HIPK3: variants seen among roughly 807,000 people sequenced by gnomAD.
The protein encoded by HIPK3 is homeodomain-interacting protein kinase 3.
Under a neutral mutation model 124.2 loss-of-function variants are expected in HIPK3, and 47 were observed. That is an observed-to-expected ratio of 0.38 (90% CI 0.30 to 0.48). The LOEUF is 0.48. Ranked by LOEUF, HIPK3 falls within the 20% of genes least tolerant of loss-of-function variation. The pLI is 0.98. For missense variants in HIPK3, 1,286 were observed against 1,454.3 expected (o/e 0.88, Z 1.88); for synonymous variants, 482 against 515.2 (o/e 0.94, Z 0.87).
intron 2 of HIPK3, among the ~76,000 whole-genome samples, chr11:33,307,459 C>A (rs1170294514): frequency 3.5e-5 from 5 of 143,208 alleles, no homozygotes; most frequent in Non-Finnish European, 7.5e-5. Flanking sequence ...AGTGCAGTGG[C>A]GTGATCTCGG....
chr11:33,336,985 A>T, intron 3 of HIPK3, 90 bp from the exon 4 acceptor site: 1 of 885,760 alleles, frequency 1.1e-6, no homozygotes, highest in Non-Finnish European at 1.7e-6. Flanking sequence ...ATGTATTTTC[A>T]TACCTGACCT....
chr11:33,319,023 T>G (rs1334244730), intron 2 of HIPK3, among the ~76,000 whole-genome samples: 1 of 152,234 alleles, frequency 6.6e-6, no homozygotes, highest in Non-Finnish European at 1.5e-5. Flanking sequence ...AGTGTATTTG[T>G]TATCTGTTGC....
chr11:33,259,744 T>C (rs779065062), intron 1 of HIPK3, among the ~76,000 whole-genome samples: 1 of 148,776 alleles, frequency 6.7e-6, no homozygotes, highest in Non-Finnish European at 1.5e-5. Context: ...GGGCATGTCT[T>C]TTTTTTTTTG....
chr11:33,334,373 G>A (rs1383388063), intron 3 of HIPK3, among the ~76,000 whole-genome samples: 1 of 152,082 alleles, frequency 6.6e-6, no homozygotes, highest in Non-Finnish European at 1.5e-5. Flanking sequence ...GGGGGAATAT[G>A]TATGTTGGAT....
intron 1 of HIPK3, among the ~76,000 whole-genome samples, chr11:33,259,423 A>G (rs1372397310): frequency 6.6e-6 from 1 of 152,252 alleles, no homozygotes; most frequent in Non-Finnish European, 1.5e-5. Context: ...TAGATAGGTC[A>G]TGATTAAACT....
intron 2 of HIPK3, among the ~76,000 whole-genome samples, chr11:33,307,405 T>TG (rs1852194326): frequency 6.6e-6 from 1 of 150,492 alleles, no homozygotes; most frequent in Non-Finnish European, 1.5e-5. Context: ...GAAGTGTTTT[T>TG]TTTTTTTTTT....
At chr11:33,271,192 A>G (rs1218939332) in intron 1 of HIPK3, among the ~76,000 whole-genome samples, 1 of 152,228 alleles carries the variant, frequency 6.6e-6, no homozygotes, top group African/African-American at 2.4e-5. Flanking sequence ...ATAATGATAT[A>G]AATGTTTTGG....
At chr11:33,352,351 G>A in intron 16 of HIPK3, 86 bp downstream of exon 16, 1 of 1,386,252 alleles carries the variant, frequency 7.2e-7, no homozygotes, top group Non-Finnish European at 1.0e-6. Context: ...TTCTGAAACT[G>A]TATGTAGTGT....
rs1389325868 is a variant in HIPK3, at chr11:33,353,840, A to G, written c.*272A>G. On this transcript the variant is annotated 3_prime_UTR_variant, in exon 17 of 17. Coordinates refer to ENST00000303296, the MANE Select transcript of HIPK3 (RefSeq NM_005734.5). ...AGTTTTGCTCCTGCTATTTTTTATAAATTGCCTTCTAACTAGTGCAAGACA... is the reference window on the plus strand; with the variant it reads ...AGTTTTGCTCCTGCTATTTTTTATAGATTGCCTTCTAACTAGTGCAAGACA... The G allele has an allele frequency of 3.6e-5, 14 of 391,000 alleles. No homozygotes were observed. The highest frequency in any genetic ancestry group is 6.7e-5 in the Non-Finnish European group (14 of 209,622). The allele number at this position is 391,000 out of a possible 1,614,324, so 24.2% of individuals were successfully genotyped here.
Position 33,353,866 on chromosome 11 carries a change from C to T in HIPK3, c.*298C>T, listed in dbSNP as rs1033294563. ...ATTGCCTTCTAACTAGTGCAAGACA[C>T]GTCTACATTTGGGAAGCCATTCTGT... On this transcript the variant is annotated 3_prime_UTR_variant, in exon 17 of 17. Coordinates refer to ENST00000303296, the MANE Select transcript of HIPK3 (RefSeq NM_005734.5). 3.0e-5 allele frequency: 10 copies of T among 336,596 alleles called. No individual in the cohort carries two copies. The highest frequency in any genetic ancestry group is 1.2e-4 in the South Asian group (4 of 33,202). 20.9% of individuals were successfully genotyped at this position (336,596 alleles called of 1,614,324 possible).
chr11:33,295,284 C>CT (rs1554963991), intron 2 of HIPK3, among the ~76,000 whole-genome samples: 3 of 149,552 alleles, frequency 2.0e-5, no homozygotes, highest in African/African-American at 7.4e-5. Flanking sequence ...ACCGCCCCCC[C>CT]CCCACAACTC....
At chr11:33,300,868 T>A (rs1168749003) in intron 2 of HIPK3, among the ~76,000 whole-genome samples, 1 of 152,178 alleles carries the variant, frequency 6.6e-6, no homozygotes, top group South Asian at 2.1e-4. Context: ...CCTGAGTAGC[T>A]GGGACTTCAG....
At chr11:33,352,082 AT>A (rs1288693989) in intron 15 of HIPK3, 55 bp from the exon 16 acceptor site, 1 of 1,526,914 alleles carries the variant, frequency 6.5e-7, no homozygotes, top group Non-Finnish European at 9.0e-7. Context: ...GACTTTGCTA[AT>A]TTTTTATTTG....
At chr11:33,343,247 T>TTGTGTGTGTGTGTGTG (rs3884092) in intron 8 of HIPK3, among the ~76,000 whole-genome samples, 5 of 141,496 alleles carry the variant, frequency 3.5e-5, no homozygotes, top group Admixed American at 1.4e-4. Flanking sequence ...TTATTTGATT[T>TTGTGTGTGTGTGTGTG]TGTGTGTGTG....
At chr11:33,320,252 A>G (rs1344041384) in intron 2 of HIPK3, among the ~76,000 whole-genome samples, 1 of 152,118 alleles carries the variant, frequency 6.6e-6, no homozygotes, top group African/African-American at 2.4e-5. Flanking sequence ...GGTCTAATTT[A>G]TGTATTAAAT....
intron 1 of HIPK3, among the ~76,000 whole-genome samples, 198 bp from the exon 2 acceptor site, chr11:33,286,215 G>A (rs1851546047): frequency 1.3e-5 from 2 of 152,032 alleles, no homozygotes; most frequent in South Asian, 4.1e-4. Context: ...CCAATTAACT[G>A]AAATGGAGAT....
intron 3 of HIPK3, among the ~76,000 whole-genome samples, chr11:33,334,727 C>A (rs1853088127): frequency 6.6e-6 from 1 of 152,086 alleles, no homozygotes. Flanking sequence ...CTCATGCAGC[C>A]CCTGGGCCGG....
At chr11:33,351,923 A>C in intron 15 of HIPK3, 80 bp downstream of exon 15, 9 of 1,226,240 alleles carry the variant, frequency 7.3e-6, no homozygotes, top group Non-Finnish European at 1.0e-5. Flanking sequence ...GCAGTTGCCA[A>C]AGTCATCTCT....
intron 1 of HIPK3, chr11:33,258,421 C>G: frequency 1.0e-6 from 1 of 985,626 alleles, no homozygotes; most frequent in Non-Finnish European, 1.2e-6. Context: ...CCGTCCCCAG[C>G]GTCGCGGAGC....
Sources: gnomAD v4.1 joint callset for allele counts (sites outside exome capture counted in the v4.1 genomes callset) on GRCh38, gnomAD v4.1.1 for gene constraint, MANE v1.5 for transcripts, NCBI Gene and HGNC (gene_info 2026-07-23, HGNC 2026-07-21) for gene names.